The following ANK2 variants were observed in gnomAD, a reference collection of about 807,000 sequenced individuals.
ANK2 encodes the protein ankyrin 2.
ANK2 carries 83 observed loss-of-function variants against 360.5 expected under a neutral mutation model. The ratio of observed to expected loss-of-function variants is 0.23; its 90% CI spans 0.19 to 0.28. The LOEUF is 0.28. Among genes scored for constraint, ANK2 ranks in the 10% least tolerant of loss-of-function variants. ANK2 has a pLI of 1.00. For missense variants in ANK2, 4,201 were observed against 4,795.7 expected, an observed-to-expected ratio of 0.88 and a Z score of 3.66; for synonymous variants, 1,740 against 1,759.5, an observed-to-expected ratio of 0.99 and a Z score of 0.28.
chr4:112,762,278 G>A, the ANK2 span, among the ~76,000 whole-genome samples: 1 of 152,114 alleles, frequency 6.6e-6, no homozygotes, highest in Non-Finnish European at 1.5e-5. Context: ...TAAATTCAAG[G>A]AAACATGTTA....
the ANK2 span, among the ~76,000 whole-genome samples, chr4:112,805,930 G>C: frequency 6.6e-6 from 1 of 152,056 alleles, no homozygotes; most frequent in Non-Finnish European, 1.5e-5. Context: ...ATTATTATGA[G>C]TACAAAATAG....
At chr4:112,843,236 C>T (rs1369467840) in intron 1 of ANK2, among the ~76,000 whole-genome samples, 3 of 152,212 alleles carry the variant, frequency 2.0e-5, no homozygotes, top group South Asian at 2.1e-4. Context: ...GTTATTTAGC[C>T]TTCACGGAGA....
chr4:112,783,110 A>G, the ANK2 span, among the ~76,000 whole-genome samples: 1 of 151,872 alleles, frequency 6.6e-6, no homozygotes, highest in East Asian at 2.0e-4. Flanking sequence ...AGGTTTCACT[A>G]TGTTGGCCAG....
chr4:112,726,627 A>G, the ANK2 span, among the ~76,000 whole-genome samples: 1 of 152,110 alleles, frequency 6.6e-6, no homozygotes, highest in Non-Finnish European at 1.5e-5. Flanking sequence ...CGAGGCGGGC[A>G]GATCACAAGG....
chr4:113,069,583 A>G (rs1231385681), intron 1 of ANK2, among the ~76,000 whole-genome samples: 2 of 152,196 alleles, frequency 1.3e-5, no homozygotes, highest in Non-Finnish European at 2.9e-5. Context: ...TAAATGGAGT[A>G]TTTTGCTACC....
At chr4:112,730,636 C>CAA in the ANK2 span, among the ~76,000 whole-genome samples, 708 of 57,292 alleles carry the variant, frequency 0.012, 22 homozygotes, top group South Asian at 0.026. Context: ...GACTCCATCT[C>CAA]AAAAAAAAAA....
chr4:112,825,863 C>T (rs1267226066), intron 1 of ANK2, among the ~76,000 whole-genome samples: 1 of 152,102 alleles, frequency 6.6e-6, no homozygotes, highest in Non-Finnish European at 1.5e-5. Context: ...CCTGTGTATT[C>T]ATATTTGTCT....
chr4:113,159,139 T>C (rs1003176733), intron 1 of ANK2, among the ~76,000 whole-genome samples: 1 of 151,790 alleles, frequency 6.6e-6, no homozygotes, highest in Admixed American at 6.6e-5. Context: ...AATTGAAATT[T>C]TGTTCTGGAA....
At chr4:113,290,341 T>C (rs1306067801) in intron 20 of ANK2, among the ~76,000 whole-genome samples, 5 of 152,138 alleles carry the variant, frequency 3.3e-5, no homozygotes, top group East Asian at 1.9e-4. Flanking sequence ...CTTCCTCATA[T>C]CTTATGTGTA....
At chr4:113,263,592 T>G (rs1369758831) in intron 13 of ANK2, among the ~76,000 whole-genome samples, 1 of 152,240 alleles carries the variant, frequency 6.6e-6, no homozygotes, top group African/African-American at 2.4e-5. Context: ...CAAATTAAAG[T>G]TCACCTTAAA....
chr4:113,061,386 A>G (rs992523219), intron 1 of ANK2, among the ~76,000 whole-genome samples: 1 of 152,176 alleles, frequency 6.6e-6, no homozygotes, highest in Non-Finnish European at 1.5e-5. Context: ...TTTCCCAGTA[A>G]TAATTTAAAT....
chr4:113,292,497 C>G lies in ANK2; in HGVS notation c.2359C>G (p.Pro787Ala). The G allele has an allele frequency of 6.2e-7, 1 of 1,610,258 alleles. No homozygotes were observed. The change falls in exon 21 of 46, where the codon CCC becomes GCC. Residue 787 changes from proline (P) to alanine (A), a missense_variant. By Grantham distance (27) the Pro-to-Ala change is conservative. This residue lies in a region of ANK2 where 1,268 missense variants were observed against 1,650.8 expected (regional missense o/e 0.77). Coordinates refer to ENST00000357077, the MANE Select transcript of ANK2 (RefSeq NM_001148.6). Reference protein sequence around the residue: ...INVLLQHGAKPNATTANGNTA... With the variant: ...INVLLQHGAKANATTANGNTA... Reference sequence around the variant, plus strand: ...CGTCCTGCTCCAGCATGGGGCCAAGCCCAACGCCACCACTGCGGTAAGGCA... The same window carrying G: ...CGTCCTGCTCCAGCATGGGGCCAAGGCCAACGCCACCACTGCGGTAAGGCA...
At chr4:112,861,850 A>AGAGAGAGG (rs2068157799) in intron 1 of ANK2, among the ~76,000 whole-genome samples, 2 of 146,932 alleles carry the variant, frequency 1.4e-5, no homozygotes, top group South Asian at 4.2e-4. Context: ...AGAGAGAGAG[A>AGAGAGAGG]GAGAGAGAGA....
intron 1 of ANK2, among the ~76,000 whole-genome samples, chr4:113,057,988 T>C (rs879583774): frequency 6.6e-6 from 1 of 152,178 alleles, no homozygotes; most frequent in Non-Finnish European, 1.5e-5. Flanking sequence ...GGATCTTCTG[T>C]TGGATTTTCA....
intron 2 of ANK2, among the ~76,000 whole-genome samples, chr4:112,941,742 CAT>C (rs1197717964): frequency 1.4e-5 from 2 of 147,496 alleles, no homozygotes; most frequent in Admixed American, 6.8e-5. Context: ...GATCTATACA[CAT>C]ATTGATATAT....
chr4:113,288,798 G>A (rs1442636176), intron 20 of ANK2, among the ~76,000 whole-genome samples: 1 of 152,090 alleles, frequency 6.6e-6, no homozygotes, highest in Non-Finnish European at 1.5e-5. Flanking sequence ...CCTTTACATT[G>A]TTTCAGTGGC....
chr4:112,920,227 A>G (rs1375547964), intron 2 of ANK2, among the ~76,000 whole-genome samples: 1 of 152,198 alleles, frequency 6.6e-6, no homozygotes, highest in African/African-American at 2.4e-5. Flanking sequence ...CACAAAGTCA[A>G]TCTGCATTTG....
At chr4:113,264,829 C>T in intron 13 of ANK2, 68 bp from the exon 14 acceptor site, 1 of 1,482,554 alleles carries the variant, frequency 6.7e-7, no homozygotes, top group Non-Finnish European at 9.2e-7. Flanking sequence ...CAAAAAGGGA[C>T]AACTTTATTC....
intron 2 of ANK2, among the ~76,000 whole-genome samples, chr4:112,997,557 T>C (rs1049904199): frequency 4.6e-5 from 7 of 152,126 alleles, no homozygotes; most frequent in Admixed American, 2.0e-4. Flanking sequence ...TGTAGCTCAT[T>C]TCTAGTCAAA....
Sources: allele counts gnomAD v4.1 joint callset (sites outside exome capture counted in the v4.1 genomes callset), GRCh38; gene constraint gnomAD v4.1.1; regional missense constraint gnomAD v4.1.1; transcripts MANE v1.5; gene names NCBI Gene and HGNC (gene_info 2026-07-23, HGNC 2026-07-21).